The following SPOP variants were observed in gnomAD, a reference collection of about 807,000 sequenced individuals.
The protein encoded by SPOP is speckle-type POZ protein.
Under a neutral mutation model 45.6 loss-of-function variants are expected in SPOP, and 11 were observed. The ratio of observed to expected loss-of-function variants is 0.24; its 90% CI spans 0.15 to 0.40. The LOEUF (loss-of-function observed/expected upper bound fraction) is 0.40. SPOP is among the 10% of genes least tolerant of loss of function. The pLI is 1.00. For synonymous variants in SPOP, 166 were observed against 166.3 expected (o/e 1.00, Z 0.01); for missense variants, 152 against 465.6 (o/e 0.33, Z 6.20).
chr17:49,671,403 G>A (rs2073133913), intron 1 of SPOP, among the ~76,000 whole-genome samples: 1 of 151,754 alleles, frequency 6.6e-6, no homozygotes, highest in South Asian at 2.1e-4. Context: ...TATACATAAA[G>A]GTTAAGGGTA....
intron 1 of SPOP, among the ~76,000 whole-genome samples, chr17:49,670,812 T>A (rs1047584094): frequency 6.6e-6 from 1 of 152,122 alleles, no homozygotes; most frequent in African/African-American, 2.4e-5. Flanking sequence ...CTATCTGAAA[T>A]TTTTCCCTAA....
chr17:49,660,019 T>C (rs1302289943), intron 1 of SPOP, among the ~76,000 whole-genome samples: 2 of 152,190 alleles, frequency 1.3e-5, no homozygotes, highest in African/African-American at 2.4e-5. Flanking sequence ...TCTCCATCTC[T>C]TCTGCCACTA....
intron 1 of SPOP, among the ~76,000 whole-genome samples, chr17:49,640,723 A>G: frequency 6.6e-6 from 1 of 152,262 alleles, no homozygotes; most frequent in Middle Eastern, 3.4e-3. Context: ...GGTCCTGCAC[A>G]ATCTGGACTT....
At chr17:49,663,305 C>T (rs564594006) in intron 1 of SPOP, among the ~76,000 whole-genome samples, 2 of 152,312 alleles carry the variant, frequency 1.3e-5, no homozygotes, top group African/African-American at 4.8e-5. Context: ...ACCTGATGAT[C>T]TGAGGTGCAG....
At chr17:49,655,229 T>C (rs1397101673) in intron 1 of SPOP, among the ~76,000 whole-genome samples, 2 of 152,160 alleles carry the variant, frequency 1.3e-5, no homozygotes, top group East Asian at 1.9e-4. Flanking sequence ...AAAGAAATTC[T>C]TGCCGGGCGC....
chr17:49,626,492 C>A (rs905989359), intron 1 of SPOP, among the ~76,000 whole-genome samples: 5 of 151,978 alleles, frequency 3.3e-5, no homozygotes, highest in Admixed American at 6.6e-5. Flanking sequence ...GTCAGGAGTT[C>A]GAGATCAGCC....
chr17:49,621,150 G>A (rs1469802622), intron 3 of SPOP, among the ~76,000 whole-genome samples: 1 of 152,168 alleles, frequency 6.6e-6, no homozygotes, highest in Non-Finnish European at 1.5e-5. Context: ...CTCACTCCTG[G>A]ATCATATTTT....
Position 49,601,896 on chromosome 17 carries a change from A to G in SPOP, c.949T>C (p.Leu317=), listed in dbSNP as rs1429805459. 1 of 1,613,964 alleles carries G rather than the reference A, an allele frequency of 6.2e-7. No individual in the cohort carries two copies. The highest frequency in any genetic ancestry group is 1.7e-5 in the Admixed American group (1 of 60,000). The change falls in exon 9 of 10, where the codon TTG becomes CTG. Residue 317 remains leucine, a synonymous_variant. Coordinates refer to ENST00000504102, the MANE Select transcript of SPOP (RefSeq NM_001007228.2). ...ILADLHSADQ[L]KTQAVDFINY... ...ATGAAATCCACTGCCTGAGTTTTCA[A>G]CTGATCTGCACTGTGGAGGTCGGCC...
intron 6 of SPOP, among the ~76,000 whole-genome samples, chr17:49,608,902 T>A (rs1220086549): frequency 6.9e-6 from 1 of 144,210 alleles, no homozygotes; most frequent in Non-Finnish European, 1.5e-5. Context: ...AGCTCTGCCA[T>A]TTTTTTTTTT....
chr17:49,640,739 C>A (rs946238015), intron 1 of SPOP, among the ~76,000 whole-genome samples: 2 of 152,144 alleles, frequency 1.3e-5, no homozygotes, highest in African/African-American at 4.8e-5. Flanking sequence ...GACTTGATTA[C>A]CTCTCTGGCC....
chr17:49,671,721 T>C (rs1296154911), intron 1 of SPOP, among the ~76,000 whole-genome samples: 1 of 152,160 alleles, frequency 6.6e-6, no homozygotes, highest in Non-Finnish European at 1.5e-5. Context: ...AAATTATAAT[T>C]TAGGCCAGGC....
chr17:49,626,158 G>C (rs1021833768), intron 1 of SPOP, among the ~76,000 whole-genome samples: 1 of 152,016 alleles, frequency 6.6e-6, no homozygotes, highest in Non-Finnish European at 1.5e-5. Context: ...TGCCCTCCTT[G>C]CTTGGCTACT....
chr17:49,672,157 T>G (rs1167750675), intron 1 of SPOP, among the ~76,000 whole-genome samples: 1 of 152,026 alleles, frequency 6.6e-6, no homozygotes, highest in Non-Finnish European at 1.5e-5. Context: ...AAATTATAAT[T>G]TATTCCTAAC....
At chr17:49,602,381 G>C in intron 8 of SPOP, 1 of 181,370 alleles carries the variant, frequency 5.5e-6, no homozygotes, top group South Asian at 1.2e-4. Flanking sequence ...CACGTCAACA[G>C]GGCAACTCAA....
chr17:49,663,866 G>A (rs2073019361), intron 1 of SPOP, among the ~76,000 whole-genome samples: 2 of 152,172 alleles, frequency 1.3e-5, no homozygotes, highest in Non-Finnish European at 2.9e-5. Context: ...AGAAAAACTA[G>A]AATTCTGGAA....
chr17:49,628,317 T>TA (rs1244322523), intron 1 of SPOP, among the ~76,000 whole-genome samples: 3 of 152,160 alleles, frequency 2.0e-5, no homozygotes, highest in Admixed American at 6.5e-5. Context: ...TCGAGTTACA[T>TA]AAAAAAATGC....
chr17:49,676,079 G>A (rs2073195019), intron 1 of SPOP: 1 of 151,974 alleles, frequency 6.6e-6, no homozygotes, highest in African/African-American at 2.4e-5. Flanking sequence ...CTACTGAGAA[G>A]ACGGACACTT....
chr17:49,618,922 G>C (rs2143258287), intron 5 of SPOP, 59 bp downstream of exon 5: 1 of 1,544,330 alleles, frequency 6.5e-7, no homozygotes. Context: ...ATATAATTAA[G>C]TCTACCAATA....
intron 1 of SPOP, among the ~76,000 whole-genome samples, chr17:49,654,895 G>A (rs1356629172): frequency 1.3e-5 from 2 of 152,168 alleles, no homozygotes; most frequent in African/African-American, 4.8e-5. Flanking sequence ...TGGTAACAAT[G>A]AAGAAACTGA....
Sources: allele counts gnomAD v4.1 joint callset (sites outside exome capture counted in the v4.1 genomes callset), GRCh38; gene constraint gnomAD v4.1.1; transcripts MANE v1.5; gene names NCBI Gene and HGNC (gene_info 2026-07-23, HGNC 2026-07-21).